The following CDH12 variants were observed in gnomAD, a reference collection of about 807,000 sequenced individuals.
The protein encoded by CDH12 is cadherin 12.
A neutral mutation model predicts 74.1 loss-of-function variants in CDH12; 41 were observed. The ratio of observed to expected loss-of-function variants is 0.55; its 90% CI spans 0.43 to 0.72. The LOEUF (loss-of-function observed/expected upper bound fraction) is 0.72, where lower values mean the gene tolerates loss of function less well. Ranked by LOEUF, CDH12 falls within the 30% of genes least tolerant of loss-of-function variation. The pLI is 0.00. For synonymous variants in CDH12, 399 were observed against 355.0 expected, an observed-to-expected ratio of 1.12 and a Z score of -1.39; for missense variants, 945 against 977.2, an observed-to-expected ratio of 0.97 and a Z score of 0.44.
intron 1 of CDH12, among the ~76,000 whole-genome samples, chr5:22,662,125 C>G (rs1025010779): frequency 1.8e-4 from 27 of 151,980 alleles, no homozygotes; most frequent in Admixed American, 1.6e-3. Context: ...CCTAATCATA[C>G]CAAAAAGTTC....
At chr5:21,850,129 G>T (rs1007861140) in intron 7 of CDH12, among the ~76,000 whole-genome samples, 5 of 151,538 alleles carry the variant, frequency 3.3e-5, no homozygotes, top group African/African-American at 9.7e-5. Context: ...ATAAAAGAAA[G>T]ATTATAAGGG....
chr5:22,658,329 C>CT (rs1561557411), intron 1 of CDH12, among the ~76,000 whole-genome samples: 1 of 151,982 alleles, frequency 6.6e-6, no homozygotes, highest in Non-Finnish European at 1.5e-5. Context: ...GTGTTTTGAA[C>CT]GACTGTGATA....
chr5:22,740,433 A>C (rs1744962098), intron 1 of CDH12, among the ~76,000 whole-genome samples: 2 of 152,042 alleles, frequency 1.3e-5, no homozygotes, highest in African/African-American at 4.8e-5. Context: ...TAAAAAAAAA[A>C]AAGTTCAACT....
At chr5:22,605,952 T>C (rs144419311) in intron 1 of CDH12, among the ~76,000 whole-genome samples, 67 of 152,286 alleles carry the variant, frequency 4.4e-4, no homozygotes, top group African/African-American at 1.6e-3. Context: ...AGCATCTCTG[T>C]TGGGGTGGCC....
intron 1 of CDH12, among the ~76,000 whole-genome samples, chr5:22,822,749 A>G (rs1036219557): frequency 9.9e-5 from 15 of 152,114 alleles, no homozygotes; most frequent in African/African-American, 3.6e-4. Context: ...GCTGGAGAGG[A>G]TGTGGAGAAA....
At chr5:22,241,619 T>A (rs1752755702) in intron 3 of CDH12, among the ~76,000 whole-genome samples, 1 of 152,104 alleles carries the variant, frequency 6.6e-6, no homozygotes, top group Admixed American at 6.6e-5. Context: ...AAGCTAAAAC[T>A]AAATCTTAGT....
chr5:21,751,956 C>T lies in CDH12; in HGVS notation c.2166G>A (p.Gln722=), dbSNP rs1335185086. 4 of 1,613,940 alleles carry T rather than the reference C, an allele frequency of 2.5e-6. No individual in the cohort carries two copies. Among genetic ancestry groups the T allele is most frequent in the Non-Finnish European group, 3.4e-6 (4 of 1,180,006 alleles). The change falls in exon 15 of 15, where the codon CAG becomes CAA. Residue 722 remains glutamine, a synonymous_variant. Transcript: ENST00000382254. ...DIRDFIHQRL[Q]ENDVDPTAPP... Reference sequence around the variant, plus strand: ...GGGCAGTTGGATCCACATCATTTTCCTGTAGCCTTTGATGAATGAAATCCC... The same window carrying T: ...GGGCAGTTGGATCCACATCATTTTCTTGTAGCCTTTGATGAATGAAATCCC...
intron 5 of CDH12, among the ~76,000 whole-genome samples, chr5:21,979,411 C>T (rs57721123): frequency 0.17 from 25,408 of 151,864 alleles, 2,441 homozygotes; most frequent in African/African-American, 0.26. Context: ...TCAGATGGTG[C>T]GTGAAAATGA....
Position 22,613,511 on chromosome 5 carries a change from G to A in CDH12, c.-522-108147C>T, listed in dbSNP as rs186284798. On this transcript the variant is annotated intron_variant, in intron 1 of 14. Coordinates refer to ENST00000382254, the MANE Select transcript of CDH12 (RefSeq NM_004061.5). Reference sequence around the variant, plus strand: ...AAAGTTGTGATGATTTATGAGACACGACTCTCTTTCAGTACAGTGTAAGTA... The same window carrying A: ...AAAGTTGTGATGATTTATGAGACACAACTCTCTTTCAGTACAGTGTAAGTA... 1.3e-3 allele frequency among the ~76,000 whole-genome samples: 193 copies of A among 152,202 alleles called. 3 individuals are homozygous for A. The highest frequency in any genetic ancestry group is 8.2e-4 in the Non-Finnish European group (56 of 67,984).
chr5:21,858,964 T>C (rs1428455923), intron 6 of CDH12, among the ~76,000 whole-genome samples: 4 of 151,988 alleles, frequency 2.6e-5, no homozygotes, highest in African/African-American at 9.7e-5. Context: ...CTTACATATG[T>C]ATCCCTTTAT....
chr5:22,838,092 C>T (rs1052224955), intron 1 of CDH12, among the ~76,000 whole-genome samples: 1 of 152,154 alleles, frequency 6.6e-6, no homozygotes, highest in African/African-American at 2.4e-5. Context: ...CCAGAGGGGG[C>T]AAGTGGGCCC....
At chr5:22,577,450 G>A (rs1009074284) in intron 1 of CDH12, among the ~76,000 whole-genome samples, 1 of 152,150 alleles carries the variant, frequency 6.6e-6, no homozygotes, top group Non-Finnish European at 1.5e-5. Context: ...TGGAAGGCAG[G>A]ATATTATAAG....
chr5:22,045,203 C>G (rs141275121), intron 5 of CDH12, among the ~76,000 whole-genome samples: 1 of 152,060 alleles, frequency 6.6e-6, no homozygotes, highest in Non-Finnish European at 1.5e-5. Flanking sequence ...CTTAATATAG[C>G]TAATCATAAG....
chr5:21,913,608 A>G (rs1256846985), intron 6 of CDH12, among the ~76,000 whole-genome samples: 1 of 152,128 alleles, frequency 6.6e-6, no homozygotes, highest in Non-Finnish European at 1.5e-5. Flanking sequence ...TCACACATAT[A>G]TAAAATATTA....
rs536947471 is a variant in CDH12 at position 22,334,243 on chromosome 5, C to T, written c.-333+71014G>A. Among the ~76,000 whole-genome samples the T allele has an allele frequency of 1.3e-3, 196 of 151,746 alleles. 1 individual carries two copies. Among genetic ancestry groups the T allele is most frequent in the South Asian group, 2.1e-3 (10 of 4,812 alleles). On this transcript the variant is annotated intron_variant, in intron 3 of 14. Coordinates refer to ENST00000382254, the MANE Select transcript of CDH12 (RefSeq NM_004061.5). ...AAAAGAAATTTAAAAAGTAATCACA[C>T]GTATGAAAGCCACAAATAAAATTAA...
chr5:22,338,107 A>G (rs533931955), intron 3 of CDH12, among the ~76,000 whole-genome samples: 1 of 152,318 alleles, frequency 6.6e-6, no homozygotes, highest in East Asian at 1.9e-4. Context: ...ACTCAAAGAG[A>G]TATCTGTAGT....
chr5:22,150,148 T>G (rs911127131), intron 4 of CDH12, among the ~76,000 whole-genome samples: 11 of 152,108 alleles, frequency 7.2e-5, no homozygotes, highest in African/African-American at 1.9e-4. Context: ...TACATCGACA[T>G]CCACTCAGGT....
intron 5 of CDH12, among the ~76,000 whole-genome samples, chr5:21,978,299 T>C (rs1757154743): frequency 1.3e-5 from 2 of 152,190 alleles, no homozygotes; most frequent in African/African-American, 4.8e-5. Flanking sequence ...CATGCCACCA[T>C]GCCAGGCTAA....
At chr5:21,873,249 T>A (rs1397589710) in intron 6 of CDH12, among the ~76,000 whole-genome samples, 4 of 152,224 alleles carry the variant, frequency 2.6e-5, no homozygotes, top group Non-Finnish European at 5.9e-5. Flanking sequence ...ATGTTGAATT[T>A]CATGGAGGCA....
Sources: allele counts gnomAD v4.1 joint callset (sites outside exome capture counted in the v4.1 genomes callset), GRCh38; gene constraint gnomAD v4.1.1; transcripts MANE v1.5; gene names NCBI Gene and HGNC (gene_info 2026-07-23, HGNC 2026-07-21).